The following TBC1D19 variants were observed in gnomAD, a reference collection of about 807,000 sequenced individuals.
TBC1D19 encodes the protein TBC1 domain family member 19, also known as TBC1 domain family, member 19.
A neutral mutation model predicts 89.0 loss-of-function variants in TBC1D19; 60 were observed. The observed-to-expected ratio is 0.67, with a 90% confidence interval of 0.55 to 0.84. The LOEUF is 0.84. TBC1D19 is among the 40% of genes least tolerant of loss of function. The pLI is 0.00. For missense variants in TBC1D19, 500 were observed against 610.8 expected (o/e 0.82, Z 1.91); for synonymous variants, 189 against 199.7 (o/e 0.95, Z 0.45).
Position 26,605,826 on chromosome 4 carries a change from T to C in TBC1D19, c.100-7343T>C, listed in dbSNP as rs563379658. 1.8e-4 allele frequency among the ~76,000 whole-genome samples: 28 copies of C among 152,346 alleles called. No homozygotes were observed. In the East Asian group the frequency reaches 5.2e-3, roughly 28 times the overall value. On this transcript the variant is annotated intron_variant, in intron 1 of 20. Transcript: ENST00000264866. Reference sequence around the variant, plus strand: ...CCAGTGATGATGAGCATTTTTTTCATGTGTTTTTTGGCTGCATAAATGTCT... The same window carrying C: ...CCAGTGATGATGAGCATTTTTTTCACGTGTTTTTTGGCTGCATAAATGTCT...
At chr4:26,827,593 G>A in the TBC1D19 span, among the ~76,000 whole-genome samples, 1 of 152,140 alleles carries the variant, frequency 6.6e-6, no homozygotes, top group Non-Finnish European at 1.5e-5. Context: ...GAGAGAGCAA[G>A]ACTGTCTCAA....
At position 26,744,389 on chromosome 4, in the gene TBC1D19, CTT is replaced by C. The variant is rs549224191; in HGVS notation, c.1319+1791_1319+1792del. The stretch of plus-strand genomic sequence containing the variant: ...TACTTTAATTTTATTTATTTTTACT[CTT>C]ATATTTATTATTTTCTTCTTTTTGC... On this transcript the variant is annotated intron_variant, in intron 18 of 20. Transcript: ENST00000264866. 1.9e-3 allele frequency among the ~76,000 whole-genome samples: 287 copies of C among 151,198 alleles called. 1 individual carries two copies. The highest frequency in any genetic ancestry group is 6.6e-3 in the African/African-American group (275 of 41,394).
At chr4:26,645,851 C>T (rs1289787712) in intron 7 of TBC1D19, among the ~76,000 whole-genome samples, 13 of 151,762 alleles carry the variant, frequency 8.6e-5, no homozygotes, top group Admixed American at 2.6e-4. Context: ...GGGCCGGGCG[C>T]GGTGGCTCAC....
chr4:26,710,169 T>C (rs1357844080), intron 13 of TBC1D19, among the ~76,000 whole-genome samples: 2 of 152,134 alleles, frequency 1.3e-5, no homozygotes, highest in African/African-American at 4.8e-5. Flanking sequence ...CTCCTAATGC[T>C]ATCCCTCCCC....
chr4:26,826,319 A>G, the TBC1D19 span, among the ~76,000 whole-genome samples: 1 of 152,232 alleles, frequency 6.6e-6, no homozygotes, highest in East Asian at 1.9e-4. Context: ...CTCTAGTATC[A>G]GGGAATTCCT....
At chr4:26,657,219 A>T (rs1194206607) in intron 7 of TBC1D19, among the ~76,000 whole-genome samples, 1 of 151,728 alleles carries the variant, frequency 6.6e-6, no homozygotes, top group Non-Finnish European at 1.5e-5. Context: ...ATTTCTCCTA[A>T]TGCTGTCCCT....
intron 11 of TBC1D19, among the ~76,000 whole-genome samples, chr4:26,677,480 G>T (rs1712934083): frequency 6.6e-6 from 1 of 151,982 alleles, no homozygotes; most frequent in Non-Finnish European, 1.5e-5. Context: ...CACTACACCG[G>T]CTAATTTTTT....
chr4:26,718,044 T>C (rs755482504), intron 14 of TBC1D19, 27 bp downstream of exon 14: 11 of 1,524,824 alleles, frequency 7.2e-6, no homozygotes, highest in Non-Finnish European at 1.0e-5. Flanking sequence ...TTTAAGGAAG[T>C]ATTAAGACTT....
the TBC1D19 span, among the ~76,000 whole-genome samples, chr4:26,788,218 C>A: frequency 6.6e-6 from 1 of 152,046 alleles, no homozygotes; most frequent in East Asian, 1.9e-4. Context: ...GCAAACCACA[C>A]AGGGGGGCTG....
chr4:26,642,033 T>A (rs926138002), intron 7 of TBC1D19, among the ~76,000 whole-genome samples: 9 of 152,068 alleles, frequency 5.9e-5, no homozygotes, highest in African/African-American at 2.2e-4. Flanking sequence ...AGAACTTCCC[T>A]AACTAGCAAG....
At chr4:26,706,784 TCC>T (rs1374403056) in intron 13 of TBC1D19, among the ~76,000 whole-genome samples, 5 of 152,126 alleles carry the variant, frequency 3.3e-5, no homozygotes, top group Non-Finnish European at 5.9e-5. Flanking sequence ...TCTTCTTTAA[TCC>T]ATTGGCTGTT....
At chr4:26,804,634 A>T in the TBC1D19 span, among the ~76,000 whole-genome samples, 7 of 152,128 alleles carry the variant, frequency 4.6e-5, no homozygotes, top group African/African-American at 1.7e-4. Flanking sequence ...CACCGGGCGC[A>T]GCCCAGGACG....
chr4:26,748,566 TATA>T (rs772617718), intron 19 of TBC1D19, 40 bp downstream of exon 19: 1 of 1,405,358 alleles, frequency 7.1e-7, no homozygotes, highest in South Asian at 1.2e-5. Flanking sequence ...ATGCTGTTTC[TATA>T]ATAAGTCCCC....
At chr4:26,775,889 A>G in the TBC1D19 span, among the ~76,000 whole-genome samples, 1 of 152,108 alleles carries the variant, frequency 6.6e-6, no homozygotes, top group Non-Finnish European at 1.5e-5. Context: ...GAACTTATGT[A>G]GTTAAATGTG....
intron 10 of TBC1D19, among the ~76,000 whole-genome samples, chr4:26,673,446 T>TATATACACACACACACACACACAC (rs373807642): frequency 2.2e-5 from 2 of 90,880 alleles, no homozygotes; most frequent in African/African-American, 8.5e-5. Flanking sequence ...TATATATATA[T>TATATACACACACACACACACACAC]ACACACACAC....
chr4:26,801,242 C>T, the TBC1D19 span, among the ~76,000 whole-genome samples: 1 of 151,918 alleles, frequency 6.6e-6, no homozygotes, highest in Non-Finnish European at 1.5e-5. Context: ...CCAGTTTTCC[C>T]AGTACCATTT....
chr4:26,759,269 A>G (rs1276177397), downstream of TBC1D19, among the ~76,000 whole-genome samples: 1 of 152,190 alleles, frequency 6.6e-6, no homozygotes, highest in African/African-American at 2.4e-5. Flanking sequence ...TTGCCCCATA[A>G]TAGACTTTAG....
intron 7 of TBC1D19, among the ~76,000 whole-genome samples, chr4:26,650,635 T>G (rs1208707355): frequency 4.6e-5 from 7 of 152,202 alleles, no homozygotes; most frequent in African/African-American, 1.7e-4. Flanking sequence ...ATGAGTAGAT[T>G]GCAAAAATTT....
At chr4:26,823,741 T>G in the TBC1D19 span, among the ~76,000 whole-genome samples, 1 of 152,268 alleles carries the variant, frequency 6.6e-6, no homozygotes, top group Non-Finnish European at 1.5e-5. Flanking sequence ...CTAGGTTTTC[T>G]GTCACTTGCA....
Sources: gnomAD v4.1 joint callset for allele counts (sites outside exome capture counted in the v4.1 genomes callset) on GRCh38, gnomAD v4.1.1 for gene constraint, MANE v1.5 for transcripts, NCBI Gene and HGNC (gene_info 2026-07-23, HGNC 2026-07-21) for gene names.